USO1: variants seen among roughly 807,000 people sequenced by gnomAD.
The protein encoded by USO1 is USO1 vesicle transport factor.
Under a neutral mutation model 124.5 loss-of-function variants are expected in USO1, and 57 were observed. The observed-to-expected ratio is 0.46, with a 90% CI of 0.37 to 0.57. USO1 has a LOEUF of 0.57. Ranked by LOEUF, USO1 falls within the 20% of genes least tolerant of loss-of-function variation. USO1 has a pLI of 0.00. For missense variants in USO1, 900 were observed against 1,040.6 expected (o/e 0.86, Z 1.86); for synonymous variants, 369 against 362.8 (o/e 1.02, Z -0.19).
rs2280095 is a variant in USO1 at position 75,724,740 on chromosome 4, C to G, written c.-80C>G. On this transcript the variant is annotated 5_prime_UTR_variant, in exon 1 of 24. Transcript: ENST00000514213. ...GAGTGTGTAGAGTGCGGGATTGGGG[C>G]CCAGGCCCTGCGGAGGGCGGGGGAA... The G allele has an allele frequency of 0.88, 1,295,953 of 1,474,286 alleles. 570,092 individuals are homozygous for G. The highest frequency in any genetic ancestry group is 0.94 in the African/African-American group (68,185 of 72,330). The allele number at this position is 1,474,286 out of a possible 1,614,324, so 91.3% of individuals were successfully genotyped here.
intron 8 of USO1, among the ~76,000 whole-genome samples, chr4:75,780,089 G>C (rs1232272022): frequency 6.6e-6 from 1 of 152,068 alleles, no homozygotes; most frequent in Non-Finnish European, 1.5e-5. Context: ...GCACATCTAT[G>C]TAATAGCATG....
At chr4:75,755,954 A>G (rs1721428932) in intron 3 of USO1, among the ~76,000 whole-genome samples, 2 of 152,100 alleles carry the variant, frequency 1.3e-5, no homozygotes, top group African/African-American at 2.4e-5. Flanking sequence ...GCGAATCCCA[A>G]GGTCAGGAGA....
chr4:75,750,916 A>G (rs1721281741), intron 1 of USO1, among the ~76,000 whole-genome samples: 3 of 152,212 alleles, frequency 2.0e-5, no homozygotes, highest in East Asian at 1.9e-4. Flanking sequence ...GTAATTTTAT[A>G]TGCACAGTCT....
chr4:75,757,540 A>G lies in USO1; in HGVS notation c.262A>G (p.Asn88Asp). ...AGGTTATGCTTTGGACACACTATATAATATAATATCTAATGAAGAAGAAGA... is the reference window on the plus strand; with the variant it reads ...AGGTTATGCTTTGGACACACTATATGATATAATATCTAATGAAGAAGAAGA... ...IIGYALDTLY[N>D]IISNEEEEEV... The change falls in exon 4 of 24, where the codon AAT (asparagine) becomes GAT (aspartate). Residue 88 changes from asparagine to aspartate, a missense_variant. Asn to Asp is a conservative substitution (Grantham distance 23, BLOSUM62 1). Around this residue, in one of 2 missense-constraint regions of USO1, gnomAD observed 538 missense variants for 681.6 expected, o/e 0.79. Transcript: ENST00000514213. The G allele has an allele frequency of 6.7e-7, 1 of 1,497,510 alleles. No homozygotes were observed. The highest frequency in any genetic ancestry group is 1.3e-5 in the South Asian group (1 of 74,964). 92.8% of individuals were successfully genotyped at this position (1,497,510 alleles called of 1,614,324 possible).
At chr4:75,782,435 G>A (rs1018432312) in intron 8 of USO1, among the ~76,000 whole-genome samples, 7 of 152,154 alleles carry the variant, frequency 4.6e-5, no homozygotes, top group Admixed American at 2.0e-4. Flanking sequence ...GCTGGGATTT[G>A]AAGATAAACA....
In USO1 at chr4:75,812,298, G is replaced by A; in HGVS notation, c.2722G>A (p.Asp908Asn). The A allele has an allele frequency of 6.2e-7, 1 of 1,607,036 alleles. No individual in the cohort carries two copies. The highest frequency in any genetic ancestry group is 8.5e-7 in the Non-Finnish European group (1 of 1,176,566). ...TACAGATTCTAAAAAAGAACAAGAT[G>A]ATCTCTTGGTGCTCTTGGCCGATCA... ...EITDSKKEQD[D>N]LLVLLADQDQ... Residue 908 changes from aspartate (D) to asparagine (N), a missense_variant, in exon 23 of 24, where the codon GAT becomes AAT. Coordinates refer to ENST00000514213, the MANE Select transcript of USO1 (RefSeq NM_003715.4).
At chr4:75,745,319 A>G (rs759949541) in intron 1 of USO1, 1 of 519,814 alleles carries the variant, frequency 1.9e-6, no homozygotes, top group Non-Finnish European at 3.8e-6. Context: ...CTGGCTGGGC[A>G]GTTTAGTCAA....
At chr4:75,744,977 AC>A (rs1307295549) in intron 1 of USO1, 2 of 466,636 alleles carry the variant, frequency 4.3e-6, no homozygotes, top group African/African-American at 2.0e-5. Flanking sequence ...ATTTTTTAGG[AC>A]CCCAAGCCTC....
intron 4 of USO1, among the ~76,000 whole-genome samples, chr4:75,761,631 T>C (rs1041300085): frequency 2.0e-5 from 3 of 152,196 alleles, no homozygotes. Context: ...TTTTTTTATT[T>C]TCTTCTCTCT....
chr4:75,786,633 A>G (rs1049119092), intron 9 of USO1, among the ~76,000 whole-genome samples: 2 of 152,166 alleles, frequency 1.3e-5, no homozygotes, highest in African/African-American at 4.8e-5. Context: ...GCCTCTCTTT[A>G]AATATTTCCA....
At chr4:75,790,402 G>A (rs1480961751) in intron 11 of USO1, among the ~76,000 whole-genome samples, 164 bp downstream of exon 11, 1 of 152,184 alleles carries the variant, frequency 6.6e-6, no homozygotes, top group African/African-American at 2.4e-5. Flanking sequence ...AAAAGAGTTG[G>A]TAGTCTTTGG....
At chr4:75,784,642 A>G (rs757652152) in intron 9 of USO1, among the ~76,000 whole-genome samples, 1 of 151,986 alleles carries the variant, frequency 6.6e-6, no homozygotes, top group Non-Finnish European at 1.5e-5. Context: ...CATGGTCTTT[A>G]TCAGCCCGGT....
chr4:75,759,874 A>G (rs1260836230), intron 4 of USO1, among the ~76,000 whole-genome samples: 1 of 149,556 alleles, frequency 6.7e-6, no homozygotes, highest in African/African-American at 2.5e-5. Context: ...GTGCCACTGC[A>G]CTCTCCAGCC....
intron 10 of USO1, 116 bp downstream of exon 10, chr4:75,787,318 T>A (rs1722391413): frequency 7.9e-7 from 1 of 1,265,096 alleles, no homozygotes; most frequent in Admixed American, 3.1e-5. Context: ...TAGGTTAAAA[T>A]TTTTAATGAT....
At chr4:75,800,865 T>G in intron 16 of USO1, 66 bp downstream of exon 16, 4 of 1,536,758 alleles carry the variant, frequency 2.6e-6, no homozygotes, top group Non-Finnish European at 3.5e-6. Flanking sequence ...ACATGTATAT[T>G]CTGGATGCAT....
chr4:75,809,009 ACAGACAGAAAAG>A lies in USO1; in HGVS notation c.2437_2448del (p.Thr813_Gln816del). On this transcript the variant is annotated inframe_deletion, in exon 21 of 24. Coordinates refer to ENST00000514213, the MANE Select transcript of USO1 (RefSeq NM_003715.4). ...CACAATCTGTGGAGATCACCAAACT[ACAGACAGAAAAG>A]CAGGAACTGTTACAGAAAACAGAAG... 1.2e-6 allele frequency: 2 copies of A among 1,605,242 alleles called. No homozygotes were observed. Among genetic ancestry groups the A allele is most frequent in the Non-Finnish European group, 1.7e-6 (2 of 1,176,032 alleles).
At chr4:75,758,011 A>T (rs903829113) in intron 4 of USO1, among the ~76,000 whole-genome samples, 4 of 152,148 alleles carry the variant, frequency 2.6e-5, no homozygotes, top group East Asian at 1.9e-4. Context: ...ACAATTTTTT[A>T]AATTTAGATT....
At chr4:75,805,752 C>T (rs1009775277) in intron 19 of USO1, among the ~76,000 whole-genome samples, 7 of 151,186 alleles carry the variant, frequency 4.6e-5, no homozygotes, top group Admixed American at 1.3e-4. Flanking sequence ...GCTTTAGAGT[C>T]AAACTGTTTA....
At chr4:75,753,542 C>T (rs1477192133) in intron 3 of USO1, among the ~76,000 whole-genome samples, 1 of 151,334 alleles carries the variant, frequency 6.6e-6, no homozygotes, top group Non-Finnish European at 1.5e-5. Context: ...CTCAAAAAAA[C>T]AAAAAAGATA....
Sources: gnomAD v4.1 joint callset for allele counts (sites outside exome capture counted in the v4.1 genomes callset) on GRCh38, gnomAD v4.1.1 for gene constraint, gnomAD v4.1.1 regional missense constraint, MANE v1.5 for transcripts, NCBI Gene and HGNC (gene_info 2026-07-23, HGNC 2026-07-21) for gene names.